Variants in KCNH7 observed in about 807,000 individuals in gnomAD.
The protein encoded by KCNH7 is voltage-gated inwardly rectifying potassium channel KCNH7.
KCNH7 carries 49 observed loss-of-function variants against 120.8 expected under a neutral mutation model. The observed-to-expected ratio is 0.41, with a 90% CI of 0.32 to 0.51. KCNH7 has a LOEUF of 0.51. Ranked by LOEUF, KCNH7 falls within the 20% of genes least tolerant of loss-of-function variation. The pLI, the probability that KCNH7 is intolerant of heterozygous loss-of-function variation, is 0.38. For synonymous variants in KCNH7, 547 were observed against 516.1 expected, an observed-to-expected ratio of 1.06 and a Z score of -0.81; for missense variants, 1,097 against 1,446.6, an observed-to-expected ratio of 0.76 and a Z score of 3.92.
intron 2 of KCNH7, among the ~76,000 whole-genome samples, chr2:162,574,890 G>T (rs1162548306): frequency 6.6e-6 from 1 of 152,046 alleles, no homozygotes; most frequent in African/African-American, 2.4e-5. Flanking sequence ...AACTATTGTT[G>T]CTTCTTACGA....
intron 2 of KCNH7, among the ~76,000 whole-genome samples, chr2:162,636,283 A>G (rs1202850425): frequency 6.6e-6 from 1 of 152,128 alleles, no homozygotes; most frequent in Non-Finnish European, 1.5e-5. Flanking sequence ...TAAAACATTC[A>G]TCTTCTTCTG....
At chr2:162,588,900 C>T (rs1209171778) in intron 2 of KCNH7, among the ~76,000 whole-genome samples, 5 of 152,082 alleles carry the variant, frequency 3.3e-5, no homozygotes, top group African/African-American at 1.2e-4. Flanking sequence ...CACCTACCCT[C>T]TTTCCTCTCC....
At chr2:162,545,302 T>G (rs1220755967) in intron 2 of KCNH7, among the ~76,000 whole-genome samples, 1 of 152,202 alleles carries the variant, frequency 6.6e-6, no homozygotes, top group Non-Finnish European at 1.5e-5. Context: ...TTTTCTAAGT[T>G]TATTTGACTC....
At chr2:162,669,092 A>G (rs528244788) in intron 2 of KCNH7, among the ~76,000 whole-genome samples, 47 of 152,258 alleles carry the variant, frequency 3.1e-4, no homozygotes, top group African/African-American at 1.0e-3. Flanking sequence ...GTGAGAAGTT[A>G]TATGTTCAGG....
chr2:162,782,973 T>C (rs1189019959), intron 2 of KCNH7, among the ~76,000 whole-genome samples: 1 of 152,152 alleles, frequency 6.6e-6, no homozygotes, highest in Non-Finnish European at 1.5e-5. Context: ...GTCATCACAG[T>C]CAGATGCTGT....
chr2:162,752,903 A>AAAAAAGAAAAGAAAAGAAAAG (rs1688612139), intron 2 of KCNH7, among the ~76,000 whole-genome samples: 68 of 32,072 alleles, frequency 2.1e-3, no homozygotes, highest in Non-Finnish European at 0.017. Context: ...TACATCTCAG[A>AAAAAAGAAAAGAAAAGAAAAG]AAAAGAAAAG....
intron 2 of KCNH7, among the ~76,000 whole-genome samples, chr2:162,580,650 G>C (rs1365824644): frequency 6.6e-6 from 1 of 151,996 alleles, no homozygotes; most frequent in Non-Finnish European, 1.5e-5. Context: ...CATGTGTCCT[G>C]GATGAGCAAT....
At chr2:162,771,010 CT>C (rs1683031837) in intron 2 of KCNH7, among the ~76,000 whole-genome samples, 1 of 152,078 alleles carries the variant, frequency 6.6e-6, no homozygotes, top group African/African-American at 2.4e-5. Context: ...TGTTTTATGC[CT>C]CTACAACTTG....
chr2:162,685,969 G>A (rs186382937), intron 2 of KCNH7, among the ~76,000 whole-genome samples: 69 of 152,052 alleles, frequency 4.5e-4, no homozygotes, highest in Admixed American at 2.6e-3. Flanking sequence ...ACCCTAAAAC[G>A]AGAAACAGTT....
intron 2 of KCNH7, among the ~76,000 whole-genome samples, chr2:162,720,268 T>A (rs1687279826): frequency 7.1e-6 from 1 of 140,588 alleles, no homozygotes; most frequent in African/African-American, 2.7e-5. Context: ...CTGGGTACTC[T>A]CATGTCCTTC....
intron 2 of KCNH7, among the ~76,000 whole-genome samples, chr2:162,605,371 G>A (rs1246764695): frequency 6.6e-6 from 1 of 152,062 alleles, no homozygotes; most frequent in African/African-American, 2.4e-5. Flanking sequence ...CTTTAGAAAG[G>A]AAGATTAATT....
intron 2 of KCNH7, among the ~76,000 whole-genome samples, chr2:162,569,615 T>C (rs1460566066): frequency 6.7e-6 from 1 of 148,654 alleles, no homozygotes; most frequent in Non-Finnish European, 1.5e-5. Context: ...CTTTTAATTG[T>C]GATGTTAGGG....
At chr2:162,451,070 T>C (rs1688754095) in intron 6 of KCNH7, among the ~76,000 whole-genome samples, 1 of 152,042 alleles carries the variant, frequency 6.6e-6, no homozygotes, top group Non-Finnish European at 1.5e-5. Flanking sequence ...AGACCTTAAA[T>C]TCTACAATCT....
chr2:162,794,560 T>A (rs1275562230), intron 2 of KCNH7, among the ~76,000 whole-genome samples: 1 of 152,048 alleles, frequency 6.6e-6, no homozygotes, highest in African/African-American at 2.4e-5. Flanking sequence ...TATTTAACAA[T>A]CACTGTCCTT....
intron 2 of KCNH7, among the ~76,000 whole-genome samples, chr2:162,570,751 C>A (rs1240419169): frequency 6.6e-6 from 1 of 151,860 alleles, no homozygotes; most frequent in African/African-American, 2.4e-5. Context: ...ATATGCAAAT[C>A]AATAAATGTA....
chr2:162,483,381 T>A (rs1689991296), intron 6 of KCNH7, among the ~76,000 whole-genome samples: 1 of 152,162 alleles, frequency 6.6e-6, no homozygotes, highest in Admixed American at 6.6e-5. Context: ...TGTATTTCCA[T>A]ATTTTGCTAC....
chr2:162,724,779 C>T (rs557388177), intron 2 of KCNH7, among the ~76,000 whole-genome samples: 1 of 152,180 alleles, frequency 6.6e-6, no homozygotes, highest in Non-Finnish European at 1.5e-5. Context: ...TATTTTCAAA[C>T]CATGGTTGAC....
intron 6 of KCNH7, among the ~76,000 whole-genome samples, chr2:162,473,500 T>G (rs879536748): frequency 6.6e-6 from 1 of 152,190 alleles, no homozygotes; most frequent in Non-Finnish European, 1.5e-5. Context: ...AATATCCTTA[T>G]GCAATCAGGA....
intron 10 of KCNH7, among the ~76,000 whole-genome samples, chr2:162,397,417 A>G (rs1411964175): frequency 2.0e-5 from 3 of 151,804 alleles, no homozygotes; most frequent in Non-Finnish European, 4.4e-5. Context: ...TGGAGGAACA[A>G]TTGGAACACA....
Sources: allele counts gnomAD v4.1 joint callset (sites outside exome capture counted in the v4.1 genomes callset), GRCh38; gene constraint gnomAD v4.1.1; transcripts MANE v1.5; gene names NCBI Gene and HGNC (gene_info 2026-07-23, HGNC 2026-07-21).